The following TRAPPC12 variants were observed in gnomAD, a reference collection of about 807,000 sequenced individuals.
TRAPPC12 encodes trafficking protein particle complex subunit 12.
Under a neutral mutation model 69.2 loss-of-function variants are expected in TRAPPC12, and 61 were observed. That is an observed-to-expected ratio of 0.88 (90% CI 0.72 to 1.09). The LOEUF (loss-of-function observed/expected upper bound fraction) is 1.09. TRAPPC12 is among the 50% of genes least tolerant of loss of function. The pLI is 0.00. For synonymous variants in TRAPPC12, 469 were observed against 438.9 expected (o/e 1.07, Z -0.86); for missense variants, 1,101 against 1,016.4 (o/e 1.08, Z -1.13).
chr2:3,474,228 T>A (rs1365745844), intron 9 of TRAPPC12, among the ~76,000 whole-genome samples: 1 of 152,172 alleles, frequency 6.6e-6, no homozygotes, highest in Non-Finnish European at 1.5e-5. Flanking sequence ...GGGAGTTTAT[T>A]AGGAGAATTG....
intron 6 of TRAPPC12, among the ~76,000 whole-genome samples, chr2:3,452,313 C>T (rs1177211990): frequency 6.6e-6 from 1 of 152,212 alleles, no homozygotes; most frequent in Non-Finnish European, 1.5e-5. Context: ...CAGTGCCTTG[C>T]ACGGCCGGGT....
chr2:3,407,398 C>T (rs1261387653), intron 3 of TRAPPC12, among the ~76,000 whole-genome samples: 1 of 150,314 alleles, frequency 6.7e-6, no homozygotes, highest in African/African-American at 2.4e-5. Flanking sequence ...ATCAGACTAA[C>T]TTCATTATTA....
At chr2:3,423,039 G>A (rs1392138405) in intron 4 of TRAPPC12, among the ~76,000 whole-genome samples, 2 of 152,206 alleles carry the variant, frequency 1.3e-5, no homozygotes, top group African/African-American at 4.8e-5. Flanking sequence ...TGGGGCTTCT[G>A]GGCCGTAGTG....
intron 1 of TRAPPC12, among the ~76,000 whole-genome samples, chr2:3,382,159 G>A (rs1188583217): frequency 1.7e-5 from 2 of 119,460 alleles, no homozygotes; most frequent in Non-Finnish European, 3.3e-5. Flanking sequence ...TTTTTGAGAT[G>A]GAGTCTTATT....
chr2:3,389,618 C>T (rs568856844), intron 2 of TRAPPC12: 3 of 468,930 alleles, frequency 6.4e-6, no homozygotes, highest in Non-Finnish European at 8.9e-6. Context: ...CGGCTCTAAA[C>T]GGGCGCATTA....
rs186991677 is a variant in TRAPPC12 at position 3,384,111 on chromosome 2, G to C, written c.-4-3509G>C. The stretch of plus-strand genomic sequence containing the variant: ...GTGTTTCACCATGTTGACCAGGCTG[G>C]TCTTGAACTTCTGACCTCAGGTGAT... On this transcript the variant is annotated intron_variant, in intron 1 of 11. Coordinates refer to ENST00000324266, the MANE Select transcript of TRAPPC12 (RefSeq NM_016030.6). Among the ~76,000 whole-genome samples the C allele has an allele frequency of 1.6e-3, 240 of 151,880 alleles. 2 individuals are homozygous for C. Among genetic ancestry groups the C allele is most frequent in the African/African-American group, 5.4e-3 (222 of 41,454 alleles).
chr2:3,443,220 G>A (rs941909727), intron 5 of TRAPPC12, among the ~76,000 whole-genome samples: 1 of 152,210 alleles, frequency 6.6e-6, no homozygotes, highest in Non-Finnish European at 1.5e-5. Context: ...GTGGAACGCA[G>A]GCTCCAGGGC....
intron 9 of TRAPPC12, among the ~76,000 whole-genome samples, chr2:3,467,040 G>A (rs1284022084): frequency 6.6e-6 from 1 of 152,178 alleles, no homozygotes. Context: ...TTGCTTTTGC[G>A]TCTGGAAGTG....
chr2:3,458,397 C>G (rs1665296903), intron 7 of TRAPPC12: 1 of 985,942 alleles, frequency 1.0e-6, no homozygotes, highest in African/African-American at 1.7e-5. Context: ...TCTCCTCCTT[C>G]CCACAGCTTC....
In TRAPPC12 at chr2:3,477,698, G is replaced by A. The variant is rs747768731; in HGVS notation, c.1780G>A (p.Gly594Arg). The stretch of plus-strand genomic sequence containing the variant: ...TGACTAAATTTTGTCAAAGCAGATT[G>A]GAGACATAAAAACAGCTGAAAAGTA... ...SGIGRISLQI[G>R]DIKTAEKYFQ... Residue 594 changes from glycine to arginine, a missense_variant, in exon 10 of 12, where the codon GGA becomes AGA. Physicochemically the swap from Gly to Arg is moderately radical, Grantham distance 125. Transcript: ENST00000324266. 1.2e-6 allele frequency: 2 copies of A among 1,601,316 alleles called. No individual in the cohort carries two copies. The highest frequency in any genetic ancestry group is 1.7e-6 in the Non-Finnish European group (2 of 1,174,040).
chr2:3,424,696 G>A, intron 5 of TRAPPC12, 33 bp downstream of exon 5: 1 of 1,542,874 alleles, frequency 6.5e-7, no homozygotes, highest in South Asian at 1.3e-5. Context: ...TTGTACATTT[G>A]TCTGTGTGTC....
At chr2:3,471,178 T>G (rs1445121093) in intron 9 of TRAPPC12, among the ~76,000 whole-genome samples, 1 of 152,216 alleles carries the variant, frequency 6.6e-6, no homozygotes, top group Non-Finnish European at 1.5e-5. Context: ...TCAAAACGTA[T>G]TCTACTTTTG....
intron 5 of TRAPPC12, among the ~76,000 whole-genome samples, chr2:3,428,149 G>A (rs1163023214): frequency 5.9e-5 from 9 of 152,178 alleles, no homozygotes; most frequent in South Asian, 2.1e-4. Flanking sequence ...TCCTAAGGAC[G>A]TTCAGTCAAG....
chr2:3,460,509 T>G, intron 8 of TRAPPC12, 173 bp downstream of exon 8: 2 of 503,734 alleles, frequency 4.0e-6, no homozygotes, highest in Non-Finnish European at 7.0e-6. Context: ...TATATGTACT[T>G]TATTTCTACT....
chr2:3,418,951 A>G (rs920420150), intron 3 of TRAPPC12, among the ~76,000 whole-genome samples: 1 of 151,668 alleles, frequency 6.6e-6, no homozygotes, highest in African/African-American at 2.4e-5. Context: ...CTCCTCATCC[A>G]CACCTGCTCG....
chr2:3,475,900 G>A (rs55896042), intron 9 of TRAPPC12, among the ~76,000 whole-genome samples: 4,194 of 152,324 alleles, frequency 0.028, 120 homozygotes, highest in South Asian at 0.095. Flanking sequence ...CACGGCCGCC[G>A]GCACACGTTA....
rs755103647 is a variant in TRAPPC12, at chr2:3,465,751, A to G, written c.1776+56A>G. The G allele has an allele frequency of 5.2e-6, 6 of 1,163,892 alleles. No homozygotes were observed. In the South Asian group the frequency reaches 7.3e-5, roughly 14 times the overall value. 72.1% of individuals were successfully genotyped at this position (1,163,892 alleles called of 1,614,324 possible). A position where few individuals can be genotyped will look rare whatever the true frequency, so the allele number is the denominator to read the frequency against. On this transcript the variant is annotated intron_variant, in intron 9 of 11. Coordinates refer to ENST00000324266, the MANE Select transcript of TRAPPC12 (RefSeq NM_016030.6). ...AAGGCCTTATGATAGTTCTTTGCTC[A>G]GATGGGCGACTGTTTGCTTTTAATC...
Position 3,478,917 on chromosome 2 carries a change from A to G in TRAPPC12, c.1949A>G (p.Asp650Gly), listed in dbSNP as rs1666419087. ...TTCTTCACAGAGATCTTAAGGATGG[A>G]TCCAAGAAACGCAGTGGTAAGATCC... ...HRFFTEILRM[D>G]PRNAVANNNA... The change falls in exon 11 of 12, where the codon GAT (aspartate) becomes GGT (glycine). Residue 650 changes from aspartate (D) to glycine (G), a missense_variant. Asp to Gly is a moderately conservative substitution (Grantham distance 94). Coordinates refer to ENST00000324266, the MANE Select transcript of TRAPPC12 (RefSeq NM_016030.6). The G allele has an allele frequency of 6.2e-7, 1 of 1,614,140 alleles. No individual in the cohort carries two copies. The highest frequency in any genetic ancestry group is 8.5e-7 in the Non-Finnish European group (1 of 1,180,028).
intron 2 of TRAPPC12, among the ~76,000 whole-genome samples, chr2:3,392,401 G>A (rs1420918783): frequency 6.6e-6 from 1 of 152,178 alleles, no homozygotes; most frequent in African/African-American, 2.4e-5. Flanking sequence ...TCAGTGTCCT[G>A]TGGCTCAGTA....
Sources: allele counts gnomAD v4.1 joint callset (sites outside exome capture counted in the v4.1 genomes callset), GRCh38; gene constraint gnomAD v4.1.1; transcripts MANE v1.5; gene names NCBI Gene and HGNC (gene_info 2026-07-23, HGNC 2026-07-21).